The following GABRG3 variants were observed in gnomAD, a reference collection of about 807,000 sequenced individuals.
The protein encoded by GABRG3 is gamma-aminobutyric acid receptor subunit gamma-3.
In GABRG3, 25 loss-of-function variants were observed where a neutral mutation model predicts 48.8. The observed-to-expected ratio is 0.51, with a 90% CI of 0.37 to 0.72. The LOEUF (loss-of-function observed/expected upper bound fraction) is 0.72. GABRG3 is among the 30% of genes least tolerant of loss of function. GABRG3 has a pLI of 0.00. For missense variants in GABRG3, 394 were observed against 577.9 expected, an observed-to-expected ratio of 0.68 and a Z score of 3.26; for synonymous variants, 227 against 217.6, an observed-to-expected ratio of 1.04 and a Z score of -0.38.
chr15:27,486,062 G>A (rs1169181850), intron 6 of GABRG3, among the ~76,000 whole-genome samples: 1 of 152,170 alleles, frequency 6.6e-6, no homozygotes, highest in African/African-American at 2.4e-5. Flanking sequence ...CCCACAGCAG[G>A]TTTTGTGAGA....
intron 5 of GABRG3, among the ~76,000 whole-genome samples, chr15:27,477,820 C>T (rs1010690925): frequency 6.6e-6 from 1 of 152,104 alleles, no homozygotes; most frequent in Admixed American, 6.5e-5. Flanking sequence ...GCGGGCAGAT[C>T]ACAAGGTCAG....
intron 3 of GABRG3, among the ~76,000 whole-genome samples, chr15:27,076,007 G>A (rs1458972485): frequency 1.3e-5 from 2 of 152,162 alleles, no homozygotes; most frequent in Non-Finnish European, 2.9e-5. Context: ...GTGTCCCCGC[G>A]CTGAGGGTTG....
At chr15:27,095,851 C>T (rs181147489) in intron 3 of GABRG3, among the ~76,000 whole-genome samples, 61 of 152,212 alleles carry the variant, frequency 4.0e-4, no homozygotes, top group African/African-American at 1.3e-3. Flanking sequence ...TTTTCAGACA[C>T]GGATGCCTGA....
intron 5 of GABRG3, among the ~76,000 whole-genome samples, chr15:27,431,115 C>T (rs2140623033): frequency 6.6e-6 from 1 of 152,048 alleles, no homozygotes; most frequent in Non-Finnish European, 1.5e-5. Flanking sequence ...ATGACAGTAG[C>T]ACACTATATT....
chr15:27,140,465 T>C (rs1229651445), intron 3 of GABRG3, among the ~76,000 whole-genome samples: 1 of 152,214 alleles, frequency 6.6e-6, no homozygotes, highest in African/African-American at 2.4e-5. Flanking sequence ...TGAGTGTTTT[T>C]AATCTCAGTA....
intron 5 of GABRG3, among the ~76,000 whole-genome samples, chr15:27,338,684 G>A (rs1179141567): frequency 6.6e-6 from 1 of 152,124 alleles, no homozygotes; most frequent in Non-Finnish European, 1.5e-5. Context: ...CAGACAGTAA[G>A]GTGCCTGAAC....
chr15:27,498,600 A>G (rs1410078597), intron 6 of GABRG3, among the ~76,000 whole-genome samples: 2 of 151,584 alleles, frequency 1.3e-5, no homozygotes, highest in African/African-American at 4.8e-5. Flanking sequence ...GGTTCAAGCA[A>G]TTTTCCCGCC....
chr15:27,011,951 AC>A (rs1365435871), intron 2 of GABRG3, among the ~76,000 whole-genome samples: 1 of 152,100 alleles, frequency 6.6e-6, no homozygotes, highest in African/African-American at 2.4e-5. Context: ...GACTCTTAAC[AC>A]ATTTTCATTG....
At chr15:27,099,706 T>G (rs1323571653) in intron 3 of GABRG3, among the ~76,000 whole-genome samples, 2 of 115,438 alleles carry the variant, frequency 1.7e-5, no homozygotes, top group Non-Finnish European at 3.5e-5. Flanking sequence ...CTAAAAACAT[T>G]ATGAATAAAA....
In GABRG3 at chr15:27,318,460, C is replaced by T. The variant is rs1893307486; in HGVS notation, c.271-8349C>T. On this transcript the variant is annotated intron_variant, in intron 3 of 9. Transcript: ENST00000615808. The stretch of plus-strand genomic sequence containing the variant: ...GTCCCACCTCCTTCCAGTAGAGCTA[C>T]CTTGGGATACCGTGTGTTGATGCTC... Among the ~76,000 whole-genome samples the T allele has an allele frequency of 2.6e-5, 4 of 152,046 alleles. No homozygotes were observed. The South Asian group carries it at 8.3e-4, about 32-fold the overall frequency.
intron 6 of GABRG3, among the ~76,000 whole-genome samples, chr15:27,519,601 G>T (rs1891110649): frequency 6.6e-6 from 1 of 152,078 alleles, no homozygotes; most frequent in African/African-American, 2.4e-5. Flanking sequence ...AATGACCCTG[G>T]GTCTGTTTGA....
chr15:27,255,905 C>T (rs1407857825), intron 3 of GABRG3, among the ~76,000 whole-genome samples: 2 of 152,146 alleles, frequency 1.3e-5, no homozygotes, highest in African/African-American at 2.4e-5. Flanking sequence ...GACTTTTTAC[C>T]CATTGTTAGT....
chr15:27,445,484 T>C (rs998312435), intron 5 of GABRG3, among the ~76,000 whole-genome samples: 2 of 152,238 alleles, frequency 1.3e-5, no homozygotes, highest in African/African-American at 4.8e-5. Flanking sequence ...ACATCTTCTT[T>C]GGAAAAATTA....
chr15:27,121,286 C>T lies in GABRG3; in HGVS notation c.270+94465C>T, dbSNP rs541443494. Among the ~76,000 whole-genome samples the T allele has an allele frequency of 2.4e-3, 367 of 152,208 alleles. 3 individuals are homozygous for T. The highest frequency in any genetic ancestry group is 8.5e-3 in the African/African-American group (355 of 41,524). On this transcript the variant is annotated intron_variant, in intron 3 of 9. Coordinates refer to ENST00000615808, the MANE Select transcript of GABRG3 (RefSeq NM_033223.5). Reference sequence around the variant, plus strand: ...GTCTTTGAAGCTGAACTGAGATGTTCACGGTTGCTGTAAGGTAGATGTTCA... The same window carrying T: ...GTCTTTGAAGCTGAACTGAGATGTTTACGGTTGCTGTAAGGTAGATGTTCA...
At chr15:27,290,222 A>G (rs1034277907) in intron 3 of GABRG3, among the ~76,000 whole-genome samples, 2 of 152,164 alleles carry the variant, frequency 1.3e-5, no homozygotes, top group African/African-American at 4.8e-5. Context: ...TAAAATAAAT[A>G]TTGACGAACA....
At chr15:27,112,060 G>T (rs2140371099) in intron 3 of GABRG3, among the ~76,000 whole-genome samples, 1 of 151,944 alleles carries the variant, frequency 6.6e-6, no homozygotes, top group South Asian at 2.1e-4. Context: ...TAAAGTGTAG[G>T]ATCTCCCTTA....
At chr15:27,156,830 T>A (rs1898441592) in intron 3 of GABRG3, among the ~76,000 whole-genome samples, 1 of 152,212 alleles carries the variant, frequency 6.6e-6, no homozygotes, top group Admixed American at 6.5e-5. Flanking sequence ...ACAGATAGAA[T>A]TCGATGGTGT....
chr15:27,025,139 A>AT (rs1233981493), intron 2 of GABRG3, among the ~76,000 whole-genome samples: 2 of 151,348 alleles, frequency 1.3e-5, no homozygotes, highest in African/African-American at 2.4e-5. Context: ...TACACCCTTC[A>AT]TGGCACTGTT....
chr15:27,379,436 A>G (rs1373044729), intron 5 of GABRG3, among the ~76,000 whole-genome samples: 2 of 152,234 alleles, frequency 1.3e-5, no homozygotes, highest in Non-Finnish European at 2.9e-5. Flanking sequence ...GTTATTTTGA[A>G]CAAACTATTA....
Sources: allele counts gnomAD v4.1 joint callset (sites outside exome capture counted in the v4.1 genomes callset), GRCh38; gene constraint gnomAD v4.1.1; transcripts MANE v1.5; gene names NCBI Gene and HGNC (gene_info 2026-07-23, HGNC 2026-07-21).